The following MYH2 variants were observed in gnomAD, a reference collection of about 807,000 sequenced individuals.
MYH2 encodes the protein myosin heavy chain 2.
In MYH2, 139 loss-of-function variants were observed where a neutral mutation model predicts 228.1. The ratio of observed to expected loss-of-function variants is 0.61; its 90% confidence interval spans 0.53 to 0.70. MYH2 has a LOEUF of 0.70. Among genes scored for constraint, MYH2 ranks in the 30% least tolerant of loss-of-function variants. The pLI, the probability that MYH2 is intolerant of heterozygous loss-of-function variation, is 0.00. For missense variants in MYH2, 1,809 were observed against 2,357.5 expected (o/e 0.77, Z 4.82); for synonymous variants, 796 against 871.1 (o/e 0.91, Z 1.52).
chr17:10,523,888 T>C lies in MYH2; in HGVS notation c.5176-4A>G, dbSNP rs879251009. 1.2e-6 allele frequency: 2 copies of C among 1,612,806 alleles called. No individual in the cohort carries two copies. The highest frequency in any genetic ancestry group is 1.7e-5 in the Admixed American group (1 of 59,910). ...TGGTGTTGATCAGGCTGGTGTTCTGTTTAAAAAGAATTTGTACATTTAAAA... is the reference window on the plus strand; with the variant it reads ...TGGTGTTGATCAGGCTGGTGTTCTGCTTAAAAAGAATTTGTACATTTAAAA... On this transcript the variant is annotated splice_polypyrimidine_tract_variant and splice_region_variant and intron_variant, in intron 35 of 39. Coordinates refer to ENST00000245503, the MANE Select transcript of MYH2 (RefSeq NM_017534.6).
rs1242747476 is a variant in MYH2 at position 10,540,714 on chromosome 17, G to A, written c.905-17C>T. Reference sequence around the variant, plus strand: ...GAAGCATTTCTAAGTACAGGAAACAGAACAAAGATAAACATAATTATCTTC... The same window carrying A: ...GAAGCATTTCTAAGTACAGGAAACAAAACAAAGATAAACATAATTATCTTC... On this transcript the variant is annotated splice_polypyrimidine_tract_variant and intron_variant, in intron 10 of 39. Transcript: ENST00000245503. 16 of 1,542,950 alleles carry A rather than the reference G, an allele frequency of 1.0e-5. No individual in the cohort carries two copies. The highest frequency in any genetic ancestry group is 1.3e-5 in the Non-Finnish European group (15 of 1,115,592).
intron 27 of MYH2, among the ~76,000 whole-genome samples, chr17:10,528,406 G>A (rs1003113067): frequency 2.0e-5 from 3 of 152,094 alleles, no homozygotes; most frequent in Admixed American, 6.5e-5. Flanking sequence ...AATAATTGGA[G>A]ACCTTTGTTC....
chr17:10,541,355 T>C (rs2073552072), intron 10 of MYH2, among the ~76,000 whole-genome samples: 1 of 151,614 alleles, frequency 6.6e-6, no homozygotes, highest in Non-Finnish European at 1.5e-5. Flanking sequence ...GCTCTGGGAA[T>C]GTTGTCTTTT....
intron 11 of MYH2, among the ~76,000 whole-genome samples, 178 bp downstream of exon 11, chr17:10,540,416 A>C (rs2142314553): frequency 6.6e-6 from 1 of 152,222 alleles, no homozygotes; most frequent in East Asian, 1.9e-4. Context: ...AGAACAATGT[A>C]AGGGGTAAGC....
rs746987085 is a variant in MYH2 at position 10,539,459 on chromosome 17, G to T, written c.1251C>A (p.Gly417=). Residue 417 remains glycine (G), a synonymous_variant, in exon 13 of 40, where the codon GGC becomes GGA. Coordinates refer to ENST00000245503, the MANE Select transcript of MYH2 (RefSeq NM_017534.6). Reference sequence around the variant, plus strand: ...ATGCACCTACCTGTTCTACAGTCTGGCCTTTGGTGACATACTCATTGCCGA... The same window carrying T: ...ATGCACCTACCTGTTCTACAGTCTGTCCTTTGGTGACATACTCATTGCCGA... The part of the protein sequence containing the change: ...VKVGNEYVTK[G]QTVEQVSNAV... 8 of 1,613,976 alleles carry T rather than the reference G, an allele frequency of 5.0e-6. No individual in the cohort carries two copies. Among genetic ancestry groups the T allele is most frequent in the Non-Finnish European group, 6.8e-6 (8 of 1,179,978 alleles).
chr17:10,543,257 C>G, intron 8 of MYH2, 96 bp from the exon 9 acceptor site: 1 of 937,404 alleles, frequency 1.1e-6, no homozygotes, highest in Middle Eastern at 3.3e-4. Context: ...AATATTAAAT[C>G]AATTCAGAGA....
chr17:10,526,338 G>T (rs554468404), intron 30 of MYH2, among the ~76,000 whole-genome samples: 1 of 152,160 alleles, frequency 6.6e-6, no homozygotes, highest in Non-Finnish European at 1.5e-5. Context: ...TGAGCTCATT[G>T]TGCTTGACAA....
chr17:10,546,543 T>A (rs2073636129), intron 4 of MYH2, among the ~76,000 whole-genome samples: 1 of 151,862 alleles, frequency 6.6e-6, no homozygotes. Flanking sequence ...ATAAATGAGA[T>A]GATGTCCCTT....
chr17:10,543,622 G>A lies in MYH2; in HGVS notation c.741+89C>T, dbSNP rs1042055664. ...AAAGAACAATGATGTAATAGAATGG[G>A]AATGAAAAAGATTCAGAGAATGTAA... On this transcript the variant is annotated intron_variant, in intron 8 of 39. Transcript: ENST00000245503. 3.2e-5 allele frequency: 49 copies of A among 1,533,624 alleles called. No individual in the cohort carries two copies. The African/African-American group carries it at 6.3e-4, about 20-fold the overall frequency.
At position 10,536,578 on chromosome 17, in the gene MYH2, A is replaced by G. The variant is rs1400284500; in HGVS notation, c.1926T>C (p.Gly642=). ...GGAAAGAAGAGCCCTTCTTCTTACC[A>G]CCTTTCTTGGCCCCTCCACCAGCTC... ...GEGAGGGAKK[G]GKKKGSSFQT... The change falls in exon 17 of 40, where the codon GGT becomes GGC. Residue 642 remains glycine (G), a synonymous_variant. Coordinates refer to ENST00000245503, the MANE Select transcript of MYH2 (RefSeq NM_017534.6). 1 of 1,613,874 alleles carries G rather than the reference A, an allele frequency of 6.2e-7. No individual in the cohort carries two copies. Among genetic ancestry groups the G allele is most frequent in the South Asian group, 1.1e-5 (1 of 91,054 alleles).
rs781252325 is a variant in MYH2 at position 10,525,859 on chromosome 17, C to T, written c.4205G>A (p.Arg1402Gln). The T allele has an allele frequency of 5.0e-5, 80 of 1,614,038 alleles. No individual in the cohort carries two copies. Among genetic ancestry groups the T allele is most frequent in the Non-Finnish European group, 5.7e-5 (67 of 1,180,014 alleles). The change falls in exon 31 of 40, where the codon CGG becomes CAG. Residue 1402 changes from arginine to glutamine, a missense_variant. Coordinates refer to ENST00000245503, the MANE Select transcript of MYH2 (RefSeq NM_017534.6). The surrounding 1 kb of genome is among the most constrained non-coding windows in gnomAD (Gnocchi z 4.2). ...LEEAKKKLAQRLQAAEEHVEA... is the reference protein window; with the variant it reads ...LEEAKKKLAQQLQAAEEHVEA... ...TACATGTTCCTCAGCTGCCTGCAGC[C>T]GCTGGGCCAGCTTCTTCCTTGAATA... is the stretch of plus-strand genomic sequence containing the variant.
In MYH2 at chr17:10,544,427, G is replaced by A. The variant is rs568903828; in HGVS notation, c.506-300C>T. 5.3e-5 allele frequency among the ~76,000 whole-genome samples: 8 copies of A among 152,286 alleles called. No individual in the cohort carries two copies. The South Asian group carries it at 8.3e-4, about 16-fold the overall frequency. On this transcript the variant is annotated intron_variant, in intron 5 of 39. Coordinates refer to ENST00000245503, the MANE Select transcript of MYH2 (RefSeq NM_017534.6). ...ATGCCACTCTATAAGTGATGACCACGTGGCTGTGTATTCCTGAAGCACCAG... is the reference window on the plus strand; with the variant it reads ...ATGCCACTCTATAAGTGATGACCACATGGCTGTGTATTCCTGAAGCACCAG...
rs561877424 is a variant in MYH2, at chr17:10,523,624, T to G, written c.5344A>C (p.Ser1782Arg). Residue 1782 changes from serine to arginine, a missense_variant, in exon 37 of 40, where the codon AGC becomes CGC. This residue lies in a region of MYH2 where 278 missense variants were observed against 308.5 expected (regional missense o/e 0.90). Transcript: ENST00000245503. ...AEELKKEQDTSAHLERMKKNM... is the reference protein window; with the variant it reads ...AEELKKEQDTRAHLERMKKNM... ...TTCTTCATCCGCTCCAGGTGGGCGC[T>G]GGTGTCCTGCTCCTTCTTCAGCTCC... The G allele has an allele frequency of 6.2e-7, 1 of 1,614,214 alleles. No homozygotes were observed. The highest frequency in any genetic ancestry group is 1.7e-5 in the Admixed American group (1 of 60,026).
chr17:10,525,061 G>C lies in MYH2; in HGVS notation c.4667C>G (p.Ser1556Cys), dbSNP rs769626690. The C allele has an allele frequency of 1.2e-6, 2 of 1,613,980 alleles. No homozygotes were observed. Among genetic ancestry groups the C allele is most frequent in the African/African-American group, 2.7e-5 (2 of 74,902 alleles). ...GATCTTTCCCTCTTCATGTTCAAGAGATGCCTTAATGACAGCAAGAGGTGA... is the reference window on the plus strand; with the variant it reads ...GATCTTTCCCTCTTCATGTTCAAGACATGCCTTAATGACAGCAAGAGGTGA... Reference protein sequence around the residue: ...LQAALEEAEASLEHEEGKILR... With the variant: ...LQAALEEAEACLEHEEGKILR... Residue 1556 changes from serine to cysteine, a missense_variant, in exon 34 of 40, where the codon TCT becomes TGT. Coordinates refer to ENST00000245503, the MANE Select transcript of MYH2 (RefSeq NM_017534.6). This position sits in a 1 kb window ranked among gnomAD's most constrained non-coding sequence, Gnocchi z 4.2.
In MYH2 at chr17:10,537,640, A is replaced by G; in HGVS notation, c.1587+25T>C. ...GCGAATAATATAGTTGCCGCAAAAT[A>G]TGGTTTCAGAAATGCAAAACCAACC... On this transcript the variant is annotated intron_variant, in intron 15 of 39. Transcript: ENST00000245503. This position sits in a 1 kb window ranked among gnomAD's most constrained non-coding sequence, Gnocchi z 4.0. The G allele has an allele frequency of 6.2e-7, 1 of 1,614,192 alleles. No homozygotes were observed. Among genetic ancestry groups the G allele is most frequent in the African/African-American group, 1.3e-5 (1 of 75,034 alleles).
chr17:10,543,071 T>C (rs2073577807), intron 9 of MYH2, 27 bp downstream of exon 9: 1 of 1,603,976 alleles, frequency 6.2e-7, no homozygotes, highest in African/African-American at 1.3e-5. Flanking sequence ...GAATCAGAAA[T>C]GATTTTAAAG....
intron 6 of MYH2, 24 bp downstream of exon 6, chr17:10,544,076 A>T (rs1425435816): frequency 6.2e-7 from 1 of 1,614,088 alleles, no homozygotes; most frequent in Non-Finnish European, 8.5e-7. Context: ...ACAGCCATGT[A>T]AAGAAAGCAT....
At chr17:10,531,279 A>C (rs146970412) in intron 22 of MYH2, among the ~76,000 whole-genome samples, 1 of 152,208 alleles carries the variant, frequency 6.6e-6, no homozygotes, top group Non-Finnish European at 1.5e-5. Context: ...TTTCCGAAAA[A>C]TATTACTCTC....
In MYH2 at chr17:10,539,960, C is replaced by G. The variant is rs750569547; in HGVS notation, c.1115G>C (p.Arg372Pro). Residue 372 changes from arginine to proline, a missense_variant, in exon 12 of 40, where the codon CGT becomes CCT. Physicochemically the swap from Arg to Pro is moderately radical, Grantham distance 103. Around this residue, in one of 9 missense-constraint regions of MYH2, gnomAD observed 373 missense variants for 620.4 expected, o/e 0.60. Transcript: ENST00000245503. The part of the protein sequence containing the change: ...YGNLKFKQKQ[R>P]EEQAEPDGTE... ...GCCATCTGGCTCTGCTTGCTCCTCA[C>G]GCTGCTTTTGCTTAAATTTTAGGTT... The G allele has an allele frequency of 6.2e-7, 1 of 1,614,074 alleles. No individual in the cohort carries two copies. Among genetic ancestry groups the G allele is most frequent in the Admixed American group, 1.7e-5 (1 of 60,012 alleles).
Sources: gnomAD v4.1 joint callset for allele counts (sites outside exome capture counted in the v4.1 genomes callset) on GRCh38, gnomAD v4.1.1 for gene constraint, gnomAD v4.1.1 regional missense constraint, Gnocchi (gnomAD v3.1) non-coding constraint, MANE v1.5 for transcripts, NCBI Gene and HGNC (gene_info 2026-07-23, HGNC 2026-07-21) for gene names.